The following TRAPPC13 variants were observed in gnomAD, a reference collection of about 807,000 sequenced individuals.
TRAPPC13 encodes the protein REV7-interacting novel NHEJ regulator 1.
A neutral mutation model predicts 54.0 loss-of-function variants in TRAPPC13; 39 were observed. The ratio of observed to expected loss-of-function variants is 0.72; its 90% CI spans 0.56 to 0.94. TRAPPC13 has a LOEUF of 0.94. TRAPPC13 is among the 40% of genes least tolerant of loss of function. The probability of loss-of-function intolerance (pLI) is 0.00; values close to 1 mark genes in which losing one functional copy is unlikely to be tolerated. For synonymous variants in TRAPPC13, 148 were observed against 167.7 expected (o/e 0.88, Z 0.91); for missense variants, 386 against 488.1 (o/e 0.79, Z 1.97).
intron 6 of TRAPPC13, 76 bp downstream of exon 6, chr5:65,650,958 C>T: frequency 9.2e-7 from 1 of 1,084,548 alleles, no homozygotes; most frequent in Admixed American, 2.0e-5. Context: ...TCCCGTTTAT[C>T]TGCAGGGAAA....
At chr5:65,660,623 G>A (rs1756814635) in intron 9 of TRAPPC13, 76 bp from the exon 10 acceptor site, 4 of 1,252,436 alleles carry the variant, frequency 3.2e-6, no homozygotes, top group Non-Finnish European at 4.3e-6. Flanking sequence ...CCTATCCAAA[G>A]GAACAATCAC....
chr5:65,651,854 T>TG (rs1756462676), intron 6 of TRAPPC13, among the ~76,000 whole-genome samples: 1 of 73,624 alleles, frequency 1.4e-5, no homozygotes, highest in African/African-American at 7.4e-5. Context: ...TTTTTTTTTT[T>TG]TTTTTTTTTT....
intron 6 of TRAPPC13, among the ~76,000 whole-genome samples, chr5:65,651,920 A>G (rs1404586403): frequency 1.6e-5 from 2 of 123,662 alleles, no homozygotes; most frequent in Non-Finnish European, 3.1e-5. Context: ...CTGGAGTGCA[A>G]TGACGCGATC....
intron 4 of TRAPPC13, among the ~76,000 whole-genome samples, chr5:65,638,634 C>G (rs1246318677): frequency 6.6e-6 from 1 of 152,184 alleles, no homozygotes; most frequent in African/African-American, 2.4e-5. Context: ...ATACCCAAGA[C>G]TGGGCAATTT....
At chr5:65,653,332 A>G (rs755807618) in intron 7 of TRAPPC13, among the ~76,000 whole-genome samples, 5 of 152,150 alleles carry the variant, frequency 3.3e-5, no homozygotes, top group Admixed American at 2.0e-4. Flanking sequence ...TGAAGATTAT[A>G]TCTCTGCTAC....
At position 65,666,048 on chromosome 5, in the gene TRAPPC13, A is replaced by G. The variant is rs1211028520; in HGVS notation, c.*1437A>G. On this transcript the variant is annotated 3_prime_UTR_variant, in exon 13 of 13. Transcript: ENST00000399438. ...ATAATTAATGAAATGTCTGTACAAA[A>G]TAAAGTGCAAGCAGTGTAAAATTGA... 6.6e-6 allele frequency: 1 copy of G among 152,594 alleles called. No homozygotes were observed. The highest frequency in any genetic ancestry group is 1.5e-5 in the Non-Finnish European group (1 of 67,986). 9.5% of individuals were successfully genotyped at this position (152,594 alleles called of 1,614,324 possible).
intron 1 of TRAPPC13, among the ~76,000 whole-genome samples, chr5:65,633,471 G>A (rs527969831): frequency 1.3e-5 from 2 of 151,988 alleles, no homozygotes; most frequent in South Asian, 2.1e-4. Flanking sequence ...TAGTAGAGAC[G>A]GAGTTTCACC....
At chr5:65,660,918 GC>G (rs1238585580) in intron 10 of TRAPPC13, 21 bp downstream of exon 10, 1 of 1,587,632 alleles carries the variant, frequency 6.3e-7, no homozygotes, top group Non-Finnish European at 8.6e-7. Flanking sequence ...AAAAAACTTC[GC>G]TGGGGTTTTG....
intron 1 of TRAPPC13, chr5:65,629,429 C>T (rs43207): frequency 0.61 from 798,446 of 1,318,880 alleles, 247,030 homozygotes; most frequent in Non-Finnish European, 0.64. Flanking sequence ...GGCAGGGTAT[C>T]CCTACCATAT....
At chr5:65,662,017 G>A in intron 10 of TRAPPC13, 33 bp from the exon 11 acceptor site, 1 of 1,505,554 alleles carries the variant, frequency 6.6e-7, no homozygotes, top group South Asian at 1.2e-5. Context: ...TTTTGTGATA[G>A]ATATACATTA....
At chr5:65,654,193 A>G (rs982998545) in intron 7 of TRAPPC13, among the ~76,000 whole-genome samples, 2 of 152,184 alleles carry the variant, frequency 1.3e-5, no homozygotes, top group African/African-American at 2.4e-5. Context: ...TTCTATAAAC[A>G]TTATAGAAGT....
Position 65,660,744 on chromosome 5 carries a change from A to C in TRAPPC13, c.744A>C (p.Thr248=). ...GAGCATATTTGCAACCAATGGATAC[A>C]CGCCAGTACTTATACTGCCTAAAGC... ...GSRAYLQPMD[T]RQYLYCLKPK... is the part of the protein sequence containing the mutation. The change falls in exon 10 of 13, where the codon ACA becomes ACC. Residue 248 remains threonine, a synonymous_variant. Coordinates refer to ENST00000399438, the MANE Select transcript of TRAPPC13 (RefSeq NM_024941.4). 3.7e-6 allele frequency: 6 copies of C among 1,612,174 alleles called. No individual in the cohort carries two copies. The highest frequency in any genetic ancestry group is 5.1e-6 in the Non-Finnish European group (6 of 1,178,950).
intron 1 of TRAPPC13, chr5:65,630,534 T>TA (rs1755497442): frequency 7.9e-7 from 1 of 1,271,444 alleles, no homozygotes; most frequent in African/African-American, 1.5e-5. Flanking sequence ...TTGTTTACAC[T>TA]GAATTTGAAG....
At chr5:65,625,793 G>A (rs1452719720) in intron 1 of TRAPPC13, 1 of 151,668 alleles carries the variant, frequency 6.6e-6, no homozygotes, top group Non-Finnish European at 1.5e-5. Flanking sequence ...TATTTTATTT[G>A]TTTTTTACTA....
chr5:65,637,679 C>G lies in TRAPPC13; in HGVS notation c.216-17C>G. On this transcript the variant is annotated splice_polypyrimidine_tract_variant and intron_variant, in intron 3 of 12. Transcript: ENST00000399438. ...ACCTGAATGGATTTCTGCCTAAATA[C>G]TTATTTTATTTTACAGGAATATATT... 1.5e-6 allele frequency: 2 copies of G among 1,323,028 alleles called. No individual in the cohort carries two copies. Among genetic ancestry groups the G allele is most frequent in the Non-Finnish European group, 2.1e-6 (2 of 950,256 alleles). The allele number at this position is 1,323,028 out of a possible 1,614,324, so 82.0% of individuals were successfully genotyped here.
At chr5:65,638,941 A>G (rs1321451776) in intron 4 of TRAPPC13, among the ~76,000 whole-genome samples, 1 of 152,126 alleles carries the variant, frequency 6.6e-6, no homozygotes, top group African/African-American at 2.4e-5. Flanking sequence ...GAAATTAGCC[A>G]GGAGTGGTGG....
At chr5:65,629,043 T>C (rs1755397762) in intron 1 of TRAPPC13, among the ~76,000 whole-genome samples, 2 of 152,150 alleles carry the variant, frequency 1.3e-5, no homozygotes, top group Non-Finnish European at 2.9e-5. Flanking sequence ...GAATTTACAG[T>C]GATTTCATTG....
At chr5:65,639,584 C>T (rs1755891101) in intron 4 of TRAPPC13, among the ~76,000 whole-genome samples, 1 of 152,114 alleles carries the variant, frequency 6.6e-6, no homozygotes, top group Admixed American at 6.5e-5. Context: ...TTGTTTAAGC[C>T]CAGGAGTTTG....
chr5:65,627,131 C>CA (rs60169195), intron 1 of TRAPPC13, among the ~76,000 whole-genome samples: 1,601 of 32,518 alleles, frequency 0.049, 380 homozygotes, highest in Non-Finnish European at 0.06. Context: ...GACCCTGTCT[C>CA]AAAAAAAAAA....
Sources: allele counts gnomAD v4.1 joint callset (sites outside exome capture counted in the v4.1 genomes callset), GRCh38; gene constraint gnomAD v4.1.1; transcripts MANE v1.5; gene names NCBI Gene and HGNC (gene_info 2026-07-23, HGNC 2026-07-21).